The following TASP1 variants were observed in gnomAD, a reference collection of about 807,000 sequenced individuals.
The protein encoded by TASP1 is threonine aspartase 1.
Under a neutral mutation model 56.6 loss-of-function variants are expected in TASP1, and 16 were observed. That is an observed-to-expected ratio of 0.28 (90% CI 0.19 to 0.43). The LOEUF is 0.43. TASP1 is among the 20% of genes least tolerant of loss of function. The pLI, the probability that TASP1 is intolerant of heterozygous loss-of-function variation, is 1.00. For synonymous variants in TASP1, 179 were observed against 184.2 expected (o/e 0.97, Z 0.23); for missense variants, 393 against 511.6 (o/e 0.77, Z 2.24).
chr20:13,523,901 C>G (rs540069103), intron 10 of TASP1, among the ~76,000 whole-genome samples: 1 of 152,244 alleles, frequency 6.6e-6, no homozygotes, highest in South Asian at 2.1e-4. Flanking sequence ...CTGTTTCCAG[C>G]ACTTTTTGAG....
At chr20:13,217,807 G>A in the TASP1 span, among the ~76,000 whole-genome samples, 2 of 152,302 alleles carry the variant, frequency 1.3e-5, no homozygotes, top group Non-Finnish European at 2.9e-5. Context: ...ACCAGCTGCT[G>A]TGCAAACATC....
chr20:13,420,786 G>A (rs901368207), intron 12 of TASP1, among the ~76,000 whole-genome samples: 20 of 152,108 alleles, frequency 1.3e-4, no homozygotes, highest in Admixed American at 2.6e-4. Context: ...GAAGCAGTAC[G>A]GTTTAAGTCA....
intron 4 of TASP1, among the ~76,000 whole-genome samples, chr20:13,591,001 C>A (rs1251615065): frequency 1.4e-5 from 2 of 147,150 alleles, no homozygotes; most frequent in Non-Finnish European, 3.0e-5. Context: ...AATAATACAG[C>A]AATAAAAATT....
the TASP1 span, among the ~76,000 whole-genome samples, chr20:13,204,917 C>A: frequency 6.6e-6 from 1 of 152,084 alleles, no homozygotes; most frequent in Non-Finnish European, 1.5e-5. Flanking sequence ...TGGCTCTGCA[C>A]AATGCATGGA....
chr20:13,423,780 T>G (rs1039091725), intron 12 of TASP1, among the ~76,000 whole-genome samples: 1 of 152,186 alleles, frequency 6.6e-6, no homozygotes, highest in Non-Finnish European at 1.5e-5. Context: ...TATTTCCTAT[T>G]TTTTAATGCC....
chr20:13,298,404 C>T, the TASP1 span, among the ~76,000 whole-genome samples: 12,170 of 152,276 alleles, frequency 0.08, 637 homozygotes, highest in Admixed American at 0.12. Context: ...GCATATGCCA[C>T]CGTGCCTGGC....
the TASP1 span, among the ~76,000 whole-genome samples, chr20:13,271,326 G>A: frequency 1.3e-5 from 2 of 152,204 alleles, no homozygotes; most frequent in Non-Finnish European, 2.9e-5. Flanking sequence ...TCCTAGGAGA[G>A]AGATGACTAT....
chr20:13,416,750 G>A (rs1600724394), intron 13 of TASP1, among the ~76,000 whole-genome samples: 1 of 152,054 alleles, frequency 6.6e-6, no homozygotes, highest in East Asian at 1.9e-4. Context: ...TGAACAAGAA[G>A]AACATGAGGC....
intron 13 of TASP1, among the ~76,000 whole-genome samples, chr20:13,411,645 A>G (rs1248568621): frequency 6.6e-6 from 1 of 152,180 alleles, no homozygotes; most frequent in Non-Finnish European, 1.5e-5. Flanking sequence ...TGGATCAGGA[A>G]TTTCCCTTAA....
intron 13 of TASP1, among the ~76,000 whole-genome samples, chr20:13,392,262 T>G (rs1259163378): frequency 6.6e-6 from 1 of 152,192 alleles, no homozygotes; most frequent in Non-Finnish European, 1.5e-5. Context: ...TTTTGGGTCA[T>G]CTCCCTCCAC....
At chr20:13,172,709 G>A in the TASP1 span, among the ~76,000 whole-genome samples, 2 of 152,250 alleles carry the variant, frequency 1.3e-5, no homozygotes, top group South Asian at 2.1e-4. Flanking sequence ...CTAATAAAGG[G>A]AGAGTAAAAC....
At chr20:13,192,736 T>A in the TASP1 span, among the ~76,000 whole-genome samples, 1 of 151,950 alleles carries the variant, frequency 6.6e-6, no homozygotes, top group Non-Finnish European at 1.5e-5. Flanking sequence ...TTTTTGTTTT[T>A]TTTTTTTGTA....
At chr20:13,329,551 G>A in the TASP1 span, among the ~76,000 whole-genome samples, 1 of 151,582 alleles carries the variant, frequency 6.6e-6, no homozygotes, top group Non-Finnish European at 1.5e-5. Context: ...ATATGCTTTT[G>A]TTTTTTTTCA....
At chr20:13,234,868 T>C in the TASP1 span, among the ~76,000 whole-genome samples, 1 of 152,172 alleles carries the variant, frequency 6.6e-6, no homozygotes, top group Non-Finnish European at 1.5e-5. Context: ...CTTTATCAGA[T>C]GCAAATATTT....
At chr20:13,330,492 G>T in the TASP1 span, among the ~76,000 whole-genome samples, 2 of 152,128 alleles carry the variant, frequency 1.3e-5, no homozygotes, top group African/African-American at 4.8e-5. Flanking sequence ...TTCTTGTAGT[G>T]GCGTTAATTT....
At chr20:13,301,475 C>T in the TASP1 span, among the ~76,000 whole-genome samples, 1 of 152,196 alleles carries the variant, frequency 6.6e-6, no homozygotes, top group African/African-American at 2.4e-5. Flanking sequence ...AAGCATGAAA[C>T]ACCATGCCCA....
rs369310447 is a variant in TASP1, at chr20:13,472,864, G to A, written c.985+10363C>T. Among the ~76,000 whole-genome samples the A allele has an allele frequency of 1.1e-3, 163 of 151,702 alleles. 4 individuals carry two copies. In the South Asian group the frequency reaches 0.027, roughly 25 times the overall value. On this transcript the variant is annotated intron_variant, in intron 11 of 13. Transcript: ENST00000337743. ...TTGTTGGAGAGGATGTGGAGAAATA[G>A]GAACGCTTTTACACTGTTGGTGGGA...
At chr20:13,421,236 G>A (rs1351868793) in intron 12 of TASP1, among the ~76,000 whole-genome samples, 1 of 150,886 alleles carries the variant, frequency 6.6e-6, no homozygotes, top group African/African-American at 2.4e-5. Context: ...TCTCCTGCCT[G>A]GCTAATTTTT....
the TASP1 span, among the ~76,000 whole-genome samples, chr20:13,254,818 T>C: frequency 2.0e-5 from 3 of 152,192 alleles, no homozygotes; most frequent in African/African-American, 7.2e-5. Context: ...AATCCACACA[T>C]GGTTCGAGAG....
Sources: gnomAD v4.1 joint callset for allele counts (sites outside exome capture counted in the v4.1 genomes callset) on GRCh38, gnomAD v4.1.1 for gene constraint, MANE v1.5 for transcripts, NCBI Gene and HGNC (gene_info 2026-07-23, HGNC 2026-07-21) for gene names.